SPAG16: variants seen among roughly 807,000 people sequenced by gnomAD.
The protein encoded by SPAG16 is sperm-associated antigen 16 protein.
In SPAG16, 86 loss-of-function variants were observed where a neutral mutation model predicts 80.4. That is an observed-to-expected ratio of 1.07 (90% CI 0.90 to 1.28). The LOEUF is 1.28. SPAG16 is among the 50% of genes most tolerant of loss of function. The pLI, the probability that SPAG16 is intolerant of heterozygous loss-of-function variation, is 0.00. For synonymous variants in SPAG16, 294 were observed against 265.9 expected, an observed-to-expected ratio of 1.11 and a Z score of -1.03; for missense variants, 870 against 765.3, an observed-to-expected ratio of 1.14 and a Z score of -1.61.
At chr2:213,829,043 TA>T (rs911876573) in intron 10 of SPAG16, among the ~76,000 whole-genome samples, 3 of 152,066 alleles carry the variant, frequency 2.0e-5, no homozygotes, top group African/African-American at 7.2e-5. Context: ...GGCTAATGCC[TA>T]CATTCAGCAA....
chr2:213,459,675 C>T (rs1183498331), intron 9 of SPAG16, among the ~76,000 whole-genome samples: 1 of 152,172 alleles, frequency 6.6e-6, no homozygotes, highest in East Asian at 1.9e-4. Context: ...CTGGCAGCAG[C>T]CAAAGATTCA....
chr2:214,266,679 A>G (rs1691599669), intron 15 of SPAG16, among the ~76,000 whole-genome samples: 2 of 151,874 alleles, frequency 1.3e-5, no homozygotes, highest in Admixed American at 1.3e-4. Flanking sequence ...ACATGATGTT[A>G]TAGAAAAAAT....
Position 213,801,348 on chromosome 2 carries a change from T to C in SPAG16, c.1071-61137T>C, listed in dbSNP as rs112521007. On this transcript the variant is annotated intron_variant, in intron 10 of 15. Coordinates refer to ENST00000331683, the MANE Select transcript of SPAG16 (RefSeq NM_024532.5). ...AATGTATTCCTTGGCAATACAAATC[T>C]GAAAGCTGTCAGTAAATTCTGTCAT... Among the ~76,000 whole-genome samples, 459 of 152,338 alleles carry C rather than the reference T, an allele frequency of 3.0e-3. 4 individuals are homozygous for C. Among genetic ancestry groups the C allele is most frequent in the African/African-American group, 0.011 (437 of 41,582 alleles).
At chr2:213,770,720 C>T (rs891912962) in intron 10 of SPAG16, among the ~76,000 whole-genome samples, 13 of 152,066 alleles carry the variant, frequency 8.5e-5, no homozygotes, top group Admixed American at 7.9e-4. Context: ...GGTGTTTGGT[C>T]TTCTGTTCCT....
At chr2:214,232,441 G>C (rs1160404685) in intron 15 of SPAG16, among the ~76,000 whole-genome samples, 1 of 151,884 alleles carries the variant, frequency 6.6e-6, no homozygotes, top group Non-Finnish European at 1.5e-5. Context: ...GTTTTCAGTG[G>C]CTGTGAAAAG....
chr2:213,395,665 C>T (rs1420602741), intron 9 of SPAG16, among the ~76,000 whole-genome samples: 4 of 152,140 alleles, frequency 2.6e-5, no homozygotes, highest in African/African-American at 9.7e-5. Context: ...GCTCTTCCTC[C>T]AGTCCTGGAA....
chr2:213,771,158 T>G (rs191312688), intron 10 of SPAG16, among the ~76,000 whole-genome samples: 5 of 152,334 alleles, frequency 3.3e-5, no homozygotes, highest in Admixed American at 3.3e-4. Flanking sequence ...CCATTCTGAC[T>G]GACATGAAAT....
At chr2:213,820,826 T>C (rs1286170638) in intron 10 of SPAG16, among the ~76,000 whole-genome samples, 2 of 152,108 alleles carry the variant, frequency 1.3e-5, no homozygotes, top group Non-Finnish European at 2.9e-5. Flanking sequence ...AAATTAGTAC[T>C]ATCAACCTAA....
chr2:213,468,772 A>G (rs1023212179), intron 9 of SPAG16, among the ~76,000 whole-genome samples: 2 of 150,866 alleles, frequency 1.3e-5, no homozygotes, highest in African/African-American at 4.9e-5. Context: ...ATGGGAATTT[A>G]TTAAGTATTA....
chr2:213,635,863 T>G (rs2062341929), intron 10 of SPAG16, among the ~76,000 whole-genome samples: 1 of 152,170 alleles, frequency 6.6e-6, no homozygotes, highest in Non-Finnish European at 1.5e-5. Flanking sequence ...CTTTGTCAGA[T>G]GTATAGTTTG....
chr2:213,481,035 G>T (rs1295227832), intron 9 of SPAG16, among the ~76,000 whole-genome samples: 2 of 152,150 alleles, frequency 1.3e-5, no homozygotes. Context: ...GCCAACTAAA[G>T]AATATATTAG....
chr2:213,780,132 C>T (rs1196768637), intron 10 of SPAG16, among the ~76,000 whole-genome samples: 4 of 152,176 alleles, frequency 2.6e-5, no homozygotes, highest in Non-Finnish European at 5.9e-5. Context: ...TAGATCTGTC[C>T]TTGCTTTGGC....
chr2:213,483,668 AG>A (rs1162193909), intron 9 of SPAG16, among the ~76,000 whole-genome samples: 2 of 152,182 alleles, frequency 1.3e-5, no homozygotes. Context: ...TTTGCAAGTA[AG>A]TCCCCAGATA....
In SPAG16 at chr2:214,279,001, G is replaced by A. The variant is rs114206212; in HGVS notation, c.1720+129735G>A. Among the ~76,000 whole-genome samples the A allele has an allele frequency of 5.0e-3, 762 of 152,066 alleles. 5 individuals are homozygous for A. Among genetic ancestry groups the A allele is most frequent in the African/African-American group, 0.017 (721 of 41,456 alleles). On this transcript the variant is annotated intron_variant, in intron 15 of 15. Coordinates refer to ENST00000331683, the MANE Select transcript of SPAG16 (RefSeq NM_024532.5). Reference sequence around the variant, plus strand: ...ATTTTTTATTTTGAACATGTACTTGGCTTCTGCTTCTATCTAAGTTAGAGG... The same window carrying A: ...ATTTTTTATTTTGAACATGTACTTGACTTCTGCTTCTATCTAAGTTAGAGG...
At chr2:214,146,569 C>T (rs1294672021) in intron 14 of SPAG16, among the ~76,000 whole-genome samples, 1 of 152,202 alleles carries the variant, frequency 6.6e-6, no homozygotes, top group African/African-American at 2.4e-5. Context: ...TGGTTGAGCT[C>T]TGCTATGCTC....
chr2:214,387,498 T>G (rs1700827024), intron 15 of SPAG16, among the ~76,000 whole-genome samples: 1 of 152,226 alleles, frequency 6.6e-6, no homozygotes, highest in African/African-American at 2.4e-5. Flanking sequence ...ATTGGACTTT[T>G]ACTTTCCACC....
intron 10 of SPAG16, among the ~76,000 whole-genome samples, chr2:213,848,571 T>G (rs929567707): frequency 1.5e-4 from 23 of 152,222 alleles, no homozygotes; most frequent in Non-Finnish European, 5.9e-5. Context: ...TTCATTCCAT[T>G]TATCCATTGT....
At chr2:214,217,454 T>C (rs2058461051) in intron 15 of SPAG16, among the ~76,000 whole-genome samples, 1 of 152,248 alleles carries the variant, frequency 6.6e-6, no homozygotes, top group Non-Finnish European at 1.5e-5. Flanking sequence ...GTTATGCCGA[T>C]GCTTTAAATA....
At chr2:213,300,461 T>C (rs1406419959) in intron 3 of SPAG16, among the ~76,000 whole-genome samples, 3 of 152,236 alleles carry the variant, frequency 2.0e-5, no homozygotes, top group Non-Finnish European at 4.4e-5. Context: ...TTAGGGAATT[T>C]ATGTTGTCTT....
Sources: gnomAD v4.1 joint callset for allele counts (sites outside exome capture counted in the v4.1 genomes callset) on GRCh38, gnomAD v4.1.1 for gene constraint, MANE v1.5 for transcripts, NCBI Gene and HGNC (gene_info 2026-07-23, HGNC 2026-07-21) for gene names.